The following ATAD2B variants were observed in gnomAD, a reference collection of about 807,000 sequenced individuals.
The protein encoded by ATAD2B is ATPase family AAA domain-containing protein 2B.
ATAD2B carries 40 observed loss-of-function variants against 167.6 expected under a neutral mutation model. That is an observed-to-expected ratio of 0.24 (90% confidence interval 0.19 to 0.31). The LOEUF is 0.31. ATAD2B is among the 10% of genes least tolerant of loss of function. ATAD2B has a pLI of 1.00. For synonymous variants in ATAD2B, 579 were observed against 596.5 expected (o/e 0.97, Z 0.43); for missense variants, 1,242 against 1,757.2 (o/e 0.71, Z 5.24).
chr2:23,682,642 C>CCACCTG, the ATAD2B span, among the ~76,000 whole-genome samples: 1 of 152,034 alleles, frequency 6.6e-6, no homozygotes, highest in Non-Finnish European at 1.5e-5. The surrounding 1 kb of genome is among the most constrained non-coding windows in gnomAD (Gnocchi z 4.1). Flanking sequence ...GCCCTTTTGT[C>CCACCTG]CACCTGCACC....
At chr2:23,710,771 A>G in the ATAD2B span, among the ~76,000 whole-genome samples, 1 of 152,240 alleles carries the variant, frequency 6.6e-6, no homozygotes, top group South Asian at 2.1e-4. Context: ...ATTAGGTATT[A>G]TAAGTAATCT....
chr2:23,905,929 G>A (rs1211521072), intron 1 of ATAD2B, among the ~76,000 whole-genome samples: 1 of 152,188 alleles, frequency 6.6e-6, no homozygotes, highest in African/African-American at 2.4e-5. Context: ...AGTGCTGATA[G>A]TATTGGGGAA....
intron 14 of ATAD2B, among the ~76,000 whole-genome samples, chr2:23,833,212 A>C (rs1174052514): frequency 2.6e-5 from 4 of 152,208 alleles, no homozygotes; most frequent in Non-Finnish European, 5.9e-5. Context: ...AGACTTTCAC[A>C]ACTAGGTATG....
intron 18 of ATAD2B, among the ~76,000 whole-genome samples, chr2:23,802,607 G>C (rs922453188): frequency 2.0e-5 from 3 of 151,536 alleles, no homozygotes; most frequent in African/African-American, 7.3e-5. Context: ...ACACACTCCA[G>C]GTCAGGATAA....
At chr2:23,821,032 T>C (rs1687370228) in intron 16 of ATAD2B, among the ~76,000 whole-genome samples, 1 of 152,152 alleles carries the variant, frequency 6.6e-6, no homozygotes, top group South Asian at 2.1e-4. Context: ...GATAATTTCA[T>C]ACACAAGGAA....
chr2:23,822,157 T>G (rs979733116), intron 16 of ATAD2B, among the ~76,000 whole-genome samples: 1 of 152,214 alleles, frequency 6.6e-6, no homozygotes, highest in African/African-American at 2.4e-5. Context: ...AGAAGCATTA[T>G]AGCAACATAG....
At chr2:23,865,419 C>G (rs1694990995) in intron 10 of ATAD2B, among the ~76,000 whole-genome samples, 1 of 151,668 alleles carries the variant, frequency 6.6e-6, no homozygotes, top group African/African-American at 2.4e-5. Context: ...ATCCCAGCTA[C>G]TTGGGAGGCT....
intron 22 of ATAD2B, among the ~76,000 whole-genome samples, chr2:23,769,775 G>A (rs1054850091): frequency 6.8e-6 from 1 of 146,832 alleles, no homozygotes; most frequent in Non-Finnish European, 1.5e-5. Context: ...GAGTGCAGTG[G>A]CATAATCTGG....
At chr2:23,901,761 G>A (rs1248690399) in intron 1 of ATAD2B, among the ~76,000 whole-genome samples, 1 of 151,986 alleles carries the variant, frequency 6.6e-6, no homozygotes. Context: ...AATCTCTAAG[G>A]ATGAAATAAA....
intron 12 of ATAD2B, among the ~76,000 whole-genome samples, chr2:23,860,051 T>G (rs1694104784): frequency 4.6e-5 from 7 of 152,128 alleles, no homozygotes; most frequent in Admixed American, 2.0e-4. Context: ...ATAAATAGAC[T>G]AATGTGGCTG....
At chr2:23,725,474 T>A in the ATAD2B span, among the ~76,000 whole-genome samples, 1 of 152,226 alleles carries the variant, frequency 6.6e-6, no homozygotes, top group Non-Finnish European at 1.5e-5. Flanking sequence ...TAACCTTGTC[T>A]AGTAGAGTTT....
rs1704937537 is a variant in ATAD2B, at chr2:23,926,788, G to A, written c.-18C>T. ...TTCACCATGGTCCAGCCAGGGGGAC[G>A]GAGTCCACGCCGCGCCCGGGAGAGC... On this transcript the variant is annotated 5_prime_UTR_variant, in exon 1 of 28. Coordinates refer to ENST00000238789, the MANE Select transcript of ATAD2B (RefSeq NM_017552.4). 4 of 1,506,584 alleles carry A rather than the reference G, an allele frequency of 2.7e-6. No individual in the cohort carries two copies. Among genetic ancestry groups the A allele is most frequent in the Admixed American group, 2.2e-5 (1 of 44,690 alleles). 93.3% of individuals were successfully genotyped at this position (1,506,584 alleles called of 1,614,324 possible). A position where few individuals can be genotyped will look rare whatever the true frequency, so the allele number is the denominator to read the frequency against.
rs182374454 is a variant in ATAD2B at position 23,873,771 on chromosome 2, T to G, written c.977+2058A>C. On this transcript the variant is annotated intron_variant, in intron 8 of 27. Coordinates refer to ENST00000238789, the MANE Select transcript of ATAD2B (RefSeq NM_017552.4). Reference sequence around the variant, plus strand: ...CTTCAGTAAAAGCCATTAAATCATATAAAGTAATAATGCCAACAATGTATT... The same window carrying G: ...CTTCAGTAAAAGCCATTAAATCATAGAAAGTAATAATGCCAACAATGTATT... Among the ~76,000 whole-genome samples the G allele has an allele frequency of 5.4e-4, 82 of 152,304 alleles. 1 individual carries two copies. In the South Asian group the frequency reaches 0.012, roughly 22 times the overall value.
At chr2:23,797,358 C>A (rs560574664) in intron 19 of ATAD2B, among the ~76,000 whole-genome samples, 91 of 152,078 alleles carry the variant, frequency 6.0e-4, no homozygotes, top group African/African-American at 2.1e-3. Flanking sequence ...TTTTCTGAAT[C>A]AACTATGATT....
At chr2:23,803,867 T>G (rs540059571) in intron 18 of ATAD2B, among the ~76,000 whole-genome samples, 1 of 152,338 alleles carries the variant, frequency 6.6e-6, no homozygotes, top group African/African-American at 2.4e-5. Context: ...CATGTTCATG[T>G]TACACTACTA....
intron 2 of ATAD2B, among the ~76,000 whole-genome samples, chr2:23,889,688 G>A (rs1699192765): frequency 6.6e-6 from 1 of 151,936 alleles, no homozygotes; most frequent in African/African-American, 2.4e-5. Flanking sequence ...GAGAGGCCGA[G>A]GCAGGTGGAT....
intron 7 of ATAD2B, among the ~76,000 whole-genome samples, chr2:23,876,301 T>C (rs911964031): frequency 1.3e-5 from 2 of 149,004 alleles, no homozygotes; most frequent in Non-Finnish European, 3.0e-5. Flanking sequence ...CCTGTTAACT[T>C]TTTTTTCTTT....
rs552582106 is a variant in ATAD2B, at chr2:23,761,450, G to A, written c.3394+759C>T. On this transcript the variant is annotated intron_variant, in intron 24 of 27. Transcript: ENST00000238789. Reference sequence around the variant, plus strand: ...ATCTGATTTTTGGATTAGGGATGCAGAACCAGTAAGTACAATGCAAATATT... The same window carrying A: ...ATCTGATTTTTGGATTAGGGATGCAAAACCAGTAAGTACAATGCAAATATT... 1.7e-3 allele frequency among the ~76,000 whole-genome samples: 263 copies of A among 152,232 alleles called. 1 individual carries two copies. Among genetic ancestry groups the A allele is most frequent in the African/African-American group, 6.1e-3 (252 of 41,538 alleles).
chr2:23,722,440 G>A, the ATAD2B span, among the ~76,000 whole-genome samples: 1 of 152,188 alleles, frequency 6.6e-6, no homozygotes, highest in Non-Finnish European at 1.5e-5. Flanking sequence ...GAAGATTTCA[G>A]TGAATGAAAA....
Sources: allele counts gnomAD v4.1 joint callset (sites outside exome capture counted in the v4.1 genomes callset), GRCh38; gene constraint gnomAD v4.1.1; non-coding constraint Gnocchi (gnomAD v3.1); transcripts MANE v1.5; gene names NCBI Gene and HGNC (gene_info 2026-07-23, HGNC 2026-07-21).